IL16: variants seen among roughly 807,000 people sequenced by gnomAD.
IL16 encodes the protein pro-interleukin-16.
Under a neutral mutation model 110.1 loss-of-function variants are expected in IL16, and 67 were observed. The observed-to-expected ratio is 0.61, with a 90% CI of 0.50 to 0.75. IL16 has a LOEUF of 0.75. IL16 is among the 30% of genes least tolerant of loss of function. The pLI is 0.00. For synonymous variants in IL16, 689 were observed against 662.9 expected, an observed-to-expected ratio of 1.04 and a Z score of -0.61; for missense variants, 1,545 against 1,655.0, an observed-to-expected ratio of 0.93 and a Z score of 1.15.
chr15:81,196,266 T>C (rs1156581618), upstream of IL16, among the ~76,000 whole-genome samples: 1 of 152,242 alleles, frequency 6.6e-6, no homozygotes, highest in Non-Finnish European at 1.5e-5. Flanking sequence ...ACTTGCTAAC[T>C]GTGTGACCTT....
At chr15:81,189,578 A>C (rs552511700) in intron 1 of IL16, among the ~76,000 whole-genome samples, 44 of 152,258 alleles carry the variant, frequency 2.9e-4, no homozygotes, top group African/African-American at 9.6e-4. Flanking sequence ...ATCCACTACG[A>C]CCAGTCAAGT....
intron 6 of IL16, among the ~76,000 whole-genome samples, chr15:81,275,367 G>A (rs983227657): frequency 2.1e-5 from 1 of 46,614 alleles, no homozygotes; most frequent in Non-Finnish European, 4.2e-5. Context: ...GGAGGGGGGG[G>A]AGGGGAGGGG....
chr15:81,273,946 A>G lies in IL16; in HGVS notation c.790+742A>G, dbSNP rs545581662. ...TTCCCCCCACCCCCACCTCCACCCT[A>G]AAGTCATTCATGGATTATTGAGCAA... On this transcript the variant is annotated intron_variant, in intron 6 of 18. Coordinates refer to ENST00000683961, the MANE Select transcript of IL16 (RefSeq NM_172217.5). Among the ~76,000 whole-genome samples, 3 of 135,208 alleles carry G rather than the reference A, an allele frequency of 2.2e-5. No individual in the cohort carries two copies. In the East Asian group the frequency reaches 6.4e-4, roughly 29 times the overall value. The allele number at this position is 135,208 out of a possible 152,430, so 88.7% of individuals were successfully genotyped here.
chr15:81,190,261 A>AC (rs1895479335), intron 1 of IL16, among the ~76,000 whole-genome samples: 1 of 152,054 alleles, frequency 6.6e-6, no homozygotes, highest in Non-Finnish European at 1.5e-5. Context: ...TGCTGTGCAA[A>AC]CCATCCTAAT....
chr15:81,204,847 G>A (rs1357913164), intron 1 of IL16, among the ~76,000 whole-genome samples: 1 of 152,104 alleles, frequency 6.6e-6, no homozygotes, highest in Non-Finnish European at 1.5e-5. Flanking sequence ...TCAGGGGACT[G>A]AAAAGGTTTA....
At chr15:81,221,990 C>T (rs1177404660) in intron 1 of IL16, among the ~76,000 whole-genome samples, 1 of 152,226 alleles carries the variant, frequency 6.6e-6, no homozygotes, top group Non-Finnish European at 1.5e-5. Context: ...CTGAGTGAAG[C>T]ACACAGCCTT....
intron 5 of IL16, 37 bp downstream of exon 5, chr15:81,269,685 G>A (rs1422388214): frequency 2.1e-6 from 3 of 1,426,366 alleles, no homozygotes; most frequent in Non-Finnish European, 2.0e-6. Context: ...AGTCCTGGGG[G>A]GCAGCACCAG....
chr15:81,203,805 G>T (rs1326289379), intron 1 of IL16, among the ~76,000 whole-genome samples: 2 of 152,132 alleles, frequency 1.3e-5, no homozygotes, highest in African/African-American at 2.4e-5. Context: ...GGCAATGCGG[G>T]CTCTTTTTTG....
At position 81,225,622 on chromosome 15, in the gene IL16, C is replaced by G; in HGVS notation, c.223C>G (p.Pro75Ala). The G allele has an allele frequency of 6.2e-7, 1 of 1,614,060 alleles. No homozygotes were observed. The highest frequency in any genetic ancestry group is 1.1e-5 in the South Asian group (1 of 91,064). The part of the protein sequence containing the change: ...DTSEAGPSSV[P>A]DLALASEAAQ... ...ATCGGAGGCTGGGCCCAGCAGTGTT[C>G]CTGATCTAGCACTGGCCTCGGAGGC... The change falls in exon 2 of 19, where the codon CCT (proline) becomes GCT (alanine). Residue 75 changes from proline (P) to alanine (A), a missense_variant. This residue lies in a region of IL16 where 1,185 missense variants were observed against 1,238.8 expected (regional missense o/e 0.96). Coordinates refer to ENST00000683961, the MANE Select transcript of IL16 (RefSeq NM_172217.5).
upstream of IL16, among the ~76,000 whole-genome samples, chr15:81,191,898 C>G (rs1895502908): frequency 6.6e-6 from 1 of 152,178 alleles, no homozygotes; most frequent in Non-Finnish European, 1.5e-5. Context: ...GGGAGATAAA[C>G]AAGGGTGAGA....
At chr15:81,214,493 G>A (rs1026318934) in intron 1 of IL16, among the ~76,000 whole-genome samples, 3 of 152,086 alleles carry the variant, frequency 2.0e-5, no homozygotes, top group African/African-American at 7.2e-5. Context: ...GAGGTCTGCT[G>A]CTGCCTAATA....
intron 16 of IL16, chr15:81,305,697 C>A (rs1900515423): frequency 1.7e-6 from 1 of 593,526 alleles, no homozygotes; most frequent in South Asian, 2.0e-5. Context: ...GAGGGCTTAC[C>A]TGGTCATTAC....
intron 2 of IL16, among the ~76,000 whole-genome samples, chr15:81,246,474 G>C (rs958948491): frequency 1.3e-5 from 2 of 152,204 alleles, no homozygotes; most frequent in East Asian, 3.9e-4. Flanking sequence ...CTGTTAAAGT[G>C]GTAAATGATT....
At chr15:81,302,074 G>A (rs1900315186) in intron 15 of IL16, 1 of 152,972 alleles carries the variant, frequency 6.5e-6, no homozygotes, top group Non-Finnish European at 1.5e-5. Flanking sequence ...AGGCTGAGCT[G>A]GGGCCAGCAG....
intron 1 of IL16, among the ~76,000 whole-genome samples, chr15:81,198,506 G>T (rs764816226): frequency 6.6e-6 from 1 of 152,054 alleles, no homozygotes; most frequent in Non-Finnish European, 1.5e-5. Context: ...GGATGCAATT[G>T]ACTATAGAAT....
upstream of IL16, among the ~76,000 whole-genome samples, chr15:81,193,678 G>A (rs1374339812): frequency 6.6e-6 from 1 of 152,108 alleles, no homozygotes; most frequent in Non-Finnish European, 1.5e-5. Flanking sequence ...AGGGAAAGAG[G>A]GGAAGAGAGC....
intron 1 of IL16, among the ~76,000 whole-genome samples, chr15:81,214,294 G>T (rs1896348970): frequency 6.6e-6 from 1 of 152,116 alleles, no homozygotes; most frequent in African/African-American, 2.4e-5. Context: ...CTCCCATAAG[G>T]ACTTCTTGTA....
intron 2 of IL16, among the ~76,000 whole-genome samples, chr15:81,248,856 G>C (rs986244800): frequency 6.6e-6 from 1 of 151,402 alleles, no homozygotes; most frequent in Admixed American, 6.6e-5. Context: ...AAGTGGCTGG[G>C]ATTACAGGCG....
At chr15:81,212,761 C>A (rs1477247037) in intron 1 of IL16, among the ~76,000 whole-genome samples, 1 of 152,180 alleles carries the variant, frequency 6.6e-6, no homozygotes, top group Non-Finnish European at 1.5e-5. Flanking sequence ...CATGAGCCAC[C>A]ATGCCCGGCC....
Sources: allele counts gnomAD v4.1 joint callset (sites outside exome capture counted in the v4.1 genomes callset), GRCh38; gene constraint gnomAD v4.1.1; regional missense constraint gnomAD v4.1.1; transcripts MANE v1.5; gene names NCBI Gene and HGNC (gene_info 2026-07-23, HGNC 2026-07-21).